Variants in PTPRG observed in about 807,000 individuals in gnomAD.
The protein encoded by PTPRG is protein tyrosine phosphatase receptor type G.
Under a neutral mutation model 165.3 loss-of-function variants are expected in PTPRG, and 102 were observed. The ratio of observed to expected loss-of-function variants is 0.62; its 90% CI spans 0.53 to 0.73. The LOEUF (loss-of-function observed/expected upper bound fraction) is 0.73, where lower values mean the gene tolerates loss of function less well. Ranked by LOEUF, PTPRG falls within the 30% of genes least tolerant of loss-of-function variation. The pLI, the probability that PTPRG is intolerant of heterozygous loss-of-function variation, is 0.00. For synonymous variants in PTPRG, 675 were observed against 669.5 expected (o/e 1.01, Z -0.13); for missense variants, 1,866 against 1,861.4 (o/e 1.00, Z -0.05).
chr3:61,716,989 A>G (rs1222673823), intron 1 of PTPRG, among the ~76,000 whole-genome samples: 1 of 152,192 alleles, frequency 6.6e-6, no homozygotes, highest in East Asian at 1.9e-4. Context: ...AATAAAAAAT[A>G]AAAATTCCCA....
chr3:61,917,656 G>A (rs572427005), intron 2 of PTPRG, among the ~76,000 whole-genome samples: 12 of 152,310 alleles, frequency 7.9e-5, no homozygotes, highest in South Asian at 2.1e-4. Context: ...AAGGCGGGGC[G>A]TGGTGGCTCA....
At chr3:62,049,402 T>C (rs1438874378) in intron 4 of PTPRG, among the ~76,000 whole-genome samples, 1 of 152,196 alleles carries the variant, frequency 6.6e-6, no homozygotes, top group Admixed American at 6.5e-5. Flanking sequence ...ATTTTGAAAA[T>C]CTTATTCTGT....
chr3:62,113,906 A>G (rs887402995), intron 5 of PTPRG, among the ~76,000 whole-genome samples: 3 of 152,236 alleles, frequency 2.0e-5, no homozygotes, highest in Non-Finnish European at 4.4e-5. Flanking sequence ...TTATTAGAGT[A>G]ACTTCAGATT....
intron 2 of PTPRG, among the ~76,000 whole-genome samples, chr3:61,888,806 C>T (rs2038128312): frequency 6.6e-6 from 1 of 152,154 alleles, no homozygotes; most frequent in South Asian, 2.1e-4. Flanking sequence ...ATTTTGTTGT[C>T]ATGTCTTTTT....
intron 2 of PTPRG, among the ~76,000 whole-genome samples, chr3:61,986,020 G>C (rs1289821850): frequency 6.6e-6 from 1 of 151,312 alleles, no homozygotes; most frequent in Non-Finnish European, 1.5e-5. Context: ...CCAAGGGAGT[G>C]AGGAATACTT....
intron 2 of PTPRG, among the ~76,000 whole-genome samples, chr3:61,773,571 A>C (rs1054718417): frequency 1.2e-4 from 19 of 152,222 alleles, no homozygotes; most frequent in Non-Finnish European, 1.6e-4. Context: ...TAGGTTAGTA[A>C]TGTCTTTTAA....
At chr3:61,757,773 C>T (rs1019956347) in intron 2 of PTPRG, among the ~76,000 whole-genome samples, 4 of 152,126 alleles carry the variant, frequency 2.6e-5, no homozygotes, top group Non-Finnish European at 5.9e-5. Context: ...TGCGATGAAT[C>T]AGAGTCAAAC....
intron 4 of PTPRG, among the ~76,000 whole-genome samples, chr3:62,073,536 T>G (rs1468426743): frequency 1.3e-5 from 2 of 152,060 alleles, no homozygotes; most frequent in African/African-American, 4.8e-5. Flanking sequence ...TGGAGTGCAG[T>G]GGCGCAATCT....
At chr3:62,086,629 C>T (rs1281620174) in intron 5 of PTPRG, among the ~76,000 whole-genome samples, 2 of 152,178 alleles carry the variant, frequency 1.3e-5, no homozygotes, top group Non-Finnish European at 2.9e-5. Flanking sequence ...TCAATTCTTT[C>T]ACTACATTAC....
intron 2 of PTPRG, among the ~76,000 whole-genome samples, chr3:61,922,057 C>T (rs138628797): frequency 4.1e-4 from 62 of 152,308 alleles, no homozygotes; most frequent in African/African-American, 1.5e-3. Context: ...AGTTAGTCAA[C>T]ATTTTGCAGC....
chr3:62,122,627 CTA>C (rs1448937499), intron 5 of PTPRG, among the ~76,000 whole-genome samples: 4 of 152,150 alleles, frequency 2.6e-5, no homozygotes, highest in African/African-American at 9.7e-5. Context: ...AATTGGTTTT[CTA>C]TGTTTGTTTA....
At chr3:62,191,328 T>C (rs1279428085) in intron 8 of PTPRG, 141 bp from the exon 9 acceptor site, 2 of 657,344 alleles carry the variant, frequency 3.0e-6, no homozygotes, top group African/African-American at 3.7e-5. Flanking sequence ...ACACACACAA[T>C]GTTAAGAGGA....
chr3:62,132,545 G>A, intron 5 of PTPRG, 57 bp from the exon 6 acceptor site: 3 of 1,352,204 alleles, frequency 2.2e-6, no homozygotes, highest in Non-Finnish European at 3.2e-6. Flanking sequence ...ATTAAACTGA[G>A]ACTGTTGTGC....
chr3:61,720,098 G>C (rs2031985720), intron 1 of PTPRG, among the ~76,000 whole-genome samples: 1 of 151,734 alleles, frequency 6.6e-6, no homozygotes, highest in Non-Finnish European at 1.5e-5. Context: ...TGCTTAGGGG[G>C]TAAACACCAT....
chr3:62,074,348 CTTTCTTTT>C (rs749461019), intron 4 of PTPRG, among the ~76,000 whole-genome samples: 1 of 114,278 alleles, frequency 8.8e-6, no homozygotes, highest in Non-Finnish European at 1.8e-5. Flanking sequence ...CTTTTCTTTT[CTTTCTTTT>C]TTTTTTTTTT....
At chr3:62,092,456 A>G (rs1047730131) in intron 5 of PTPRG, among the ~76,000 whole-genome samples, 21 of 151,036 alleles carry the variant, frequency 1.4e-4, no homozygotes, top group South Asian at 2.1e-4. Context: ...AAAAAAAAAA[A>G]AAAGAAAAAG....
chr3:62,144,300 C>T (rs1269723370), intron 6 of PTPRG, among the ~76,000 whole-genome samples: 1 of 152,200 alleles, frequency 6.6e-6, no homozygotes, highest in African/African-American at 2.4e-5. Context: ...TAAATACTCA[C>T]TCAGGTCATT....
chr3:61,846,142 C>T lies in PTPRG; in HGVS notation c.190+97160C>T, dbSNP rs1280357321. On this transcript the variant is annotated intron_variant, in intron 2 of 29. Transcript: ENST00000474889. ...GAAGATCTGCCTAAAGCACTCACTA[C>T]GGTGTCTAATCTCTGATAAATGCTC... 2.6e-5 allele frequency among the ~76,000 whole-genome samples: 4 copies of T among 152,268 alleles called. No homozygotes were observed. In the East Asian group the frequency reaches 5.8e-4, roughly 22 times the overall value.
At chr3:61,747,930 T>C (rs763698906) in intron 1 of PTPRG, among the ~76,000 whole-genome samples, 3 of 152,194 alleles carry the variant, frequency 2.0e-5, no homozygotes, top group Non-Finnish European at 4.4e-5. Context: ...TGTCTTCTTA[T>C]ACATCAGTGT....
Sources: gnomAD v4.1 joint callset for allele counts (sites outside exome capture counted in the v4.1 genomes callset) on GRCh38, gnomAD v4.1.1 for gene constraint, MANE v1.5 for transcripts, NCBI Gene and HGNC (gene_info 2026-07-23, HGNC 2026-07-21) for gene names.